Variants in CFAP46 observed in about 807,000 individuals in gnomAD.
The protein encoded by CFAP46 is cilia- and flagella-associated protein 46.
A neutral mutation model predicts 325.7 loss-of-function variants in CFAP46; 245 were observed. The ratio of observed to expected loss-of-function variants is 0.75; its 90% confidence interval spans 0.68 to 0.84. The LOEUF (loss-of-function observed/expected upper bound fraction) is 0.84, where lower values mean the gene tolerates loss of function less well. Ranked by LOEUF, CFAP46 falls within the 40% of genes least tolerant of loss-of-function variation. The pLI, the probability that CFAP46 is intolerant of heterozygous loss-of-function variation, is 0.00. For missense variants in CFAP46, 3,346 were observed against 3,543.0 expected (o/e 0.94, Z 1.41); for synonymous variants, 1,523 against 1,495.9 (o/e 1.02, Z -0.42).
Position 132,889,978 on chromosome 10 carries a change from G to A in CFAP46, c.3304+2355C>T, listed in dbSNP as rs957756981. On this transcript the variant is annotated intron_variant, in intron 25 of 57. Coordinates refer to ENST00000368586, the MANE Select transcript of CFAP46 (RefSeq NM_001200049.3). This position sits in a 1 kb window ranked among gnomAD's most constrained non-coding sequence, Gnocchi z 6.0. Reference sequence around the variant, plus strand: ...TCAGGATTCAGGAGCGTACATTTTCGTATCTGTGAAAAGTGCTCCTTTCCA... The same window carrying A: ...TCAGGATTCAGGAGCGTACATTTTCATATCTGTGAAAAGTGCTCCTTTCCA... 1.3e-5 allele frequency among the ~76,000 whole-genome samples: 2 copies of A among 152,306 alleles called. No homozygotes were observed. The highest frequency in any genetic ancestry group is 3.9e-4 in the East Asian group (2 of 5,186).
At chr10:132,926,395 T>C (rs758340878) in intron 10 of CFAP46, among the ~76,000 whole-genome samples, 173 bp downstream of exon 10, 3 of 150,978 alleles carry the variant, frequency 2.0e-5, no homozygotes, top group Non-Finnish European at 3.0e-5. Flanking sequence ...GGACAGGGAG[T>C]GTGGCACTGG....
intron 29 of CFAP46, among the ~76,000 whole-genome samples, chr10:132,878,756 C>A (rs111614014): frequency 2.0e-5 from 3 of 152,214 alleles, no homozygotes; most frequent in Non-Finnish European, 4.4e-5. Context: ...GCTCTGCCCA[C>A]GGCTGGGCGG....
chr10:132,915,550 C>T (rs1564799565), intron 17 of CFAP46, among the ~76,000 whole-genome samples: 1 of 151,632 alleles, frequency 6.6e-6, no homozygotes, highest in African/African-American at 2.4e-5. Context: ...CCGGCGAGGG[C>T]GGGGCGCCGT....
rs767130022 is a variant in CFAP46 at position 132,908,522 on chromosome 10, G to C, written c.2870C>G (p.Ala957Gly). Residue 957 changes from alanine (A) to glycine (G), a missense_variant, in exon 22 of 58, where the codon GCC (alanine) becomes GGC (glycine). Coordinates refer to ENST00000368586, the MANE Select transcript of CFAP46 (RefSeq NM_001200049.3). ...HAARDHETTM[A>G]CAHRALEMGI... ...CATCTCCAGAGCCCTGTGAGCACAG[G>C]CCATGGTGGTCTCATGGTCACGCGC... The C allele has an allele frequency of 6.4e-7, 1 of 1,550,542 alleles. No individual in the cohort carries two copies. The highest frequency in any genetic ancestry group is 2.4e-5 in the East Asian group (1 of 40,920).
chr10:132,934,789 A>G lies in CFAP46; in HGVS notation c.829T>C (p.Tyr277His). The G allele has an allele frequency of 6.2e-7, 1 of 1,612,448 alleles. No homozygotes were observed. Among genetic ancestry groups the G allele is most frequent in the Non-Finnish European group, 8.5e-7 (1 of 1,178,646 alleles). The change falls in exon 8 of 58, where the codon TAC becomes CAC. Residue 277 changes from tyrosine (Y) to histidine (H), a missense_variant. Physicochemically the swap from Tyr to His is moderately conservative, Grantham distance 83. Coordinates refer to ENST00000368586, the MANE Select transcript of CFAP46 (RefSeq NM_001200049.3). ...ATAGAGGGAAAGCGCTGGTGGTTGT[A>G]ATGACCTAAGTGTCTGTAGGCCTTC... Reference protein sequence around the residue: ...LRKAYRHLGHYNHQRFPSISE... With the variant: ...LRKAYRHLGHHNHQRFPSISE...
rs773404214 is a variant in CFAP46, at chr10:132,851,125, CG to C, written c.5754del (p.Val1919SerfsTer8). ...GTGACCCCAGCAATTACCAGGCCGA[CG>C]GAAGTGTAGTCACTGGTGTTCTGCA... is the stretch of plus-strand genomic sequence containing the variant. ...DYLQNTSDYTSVGLQWFTLKR... is the reference protein window; with the variant it reads ...DYLQNTSDYTXVGLQWFTLKR... On this transcript the variant is annotated frameshift_variant, in exon 40 of 58. Coordinates refer to ENST00000368586, the MANE Select transcript of CFAP46 (RefSeq NM_001200049.3). LOFTEE classifies it high-confidence loss of function. 287 of 1,613,864 alleles carry C rather than the reference CG, an allele frequency of 1.8e-4. No homozygotes were observed. The highest frequency in any genetic ancestry group is 2.3e-4 in the Non-Finnish European group (277 of 1,179,988).
chr10:132,876,922 G>A lies in CFAP46; in HGVS notation c.4252C>T (p.Pro1418Ser). ...PAPIKQLEDL[P>S]MSIEEWASYS... is the part of the protein sequence containing the mutation. ...GAAGCCCACTCTTCTATGCTCATGG[G>A]TAAGTCTTCCAGTTGTTTGATAGGA... The change falls in exon 31 of 58, where the codon CCC becomes TCC. Residue 1418 changes from proline (P) to serine (S), a missense_variant. Pro to Ser is a moderately conservative substitution (Grantham distance 74, BLOSUM62 -1). Coordinates refer to ENST00000368586, the MANE Select transcript of CFAP46 (RefSeq NM_001200049.3). The surrounding 1 kb of genome is among the most constrained non-coding windows in gnomAD (Gnocchi z 4.1). The A allele has an allele frequency of 6.4e-7, 1 of 1,550,550 alleles. No homozygotes were observed. Among genetic ancestry groups the A allele is most frequent in the Non-Finnish European group, 8.7e-7 (1 of 1,146,978 alleles).
At chr10:132,912,614 T>TC (rs1231035886) in intron 19 of CFAP46, 41 bp downstream of exon 19, 44,591 of 605,048 alleles carry the variant, frequency 0.074, 2,350 homozygotes, top group Admixed American at 0.22. Context: ...CCTCTCTCTC[T>TC]CTCTCTCTCT....
intron 50 of CFAP46, among the ~76,000 whole-genome samples, chr10:132,823,532 GTGCGCTGTGTGCTGTGTGC>G (rs1847942911): frequency 9.1e-6 from 1 of 109,446 alleles, no homozygotes; most frequent in African/African-American, 3.3e-5. Flanking sequence ...TGTGTGCTGT[GTGCGCTGTGTGCTGTGTGC>G]TGATGTGTGC....
At chr10:132,875,911 A>G (rs924925512) in intron 31 of CFAP46, among the ~76,000 whole-genome samples, 2 of 152,200 alleles carry the variant, frequency 1.3e-5, no homozygotes, top group Non-Finnish European at 2.9e-5. Flanking sequence ...TCCCAAAAAG[A>G]CCTCCTTAAC....
intron 53 of CFAP46, 113 bp from the exon 54 acceptor site, chr10:132,814,367 C>A: frequency 9.4e-7 from 1 of 1,058,928 alleles, no homozygotes; most frequent in Non-Finnish European, 1.4e-6. Context: ...TATCAGTGCC[C>A]TGCCATGCCC....
intron 17 of CFAP46, 21 bp from the exon 18 acceptor site, chr10:132,913,279 A>C (rs997750111): frequency 6.8e-7 from 1 of 1,463,024 alleles, no homozygotes; most frequent in Middle Eastern, 1.8e-4. Context: ...AGCACCACCA[A>C]GCCCTTAATG....
chr10:132,820,062 G>A (rs780566902), intron 50 of CFAP46, among the ~76,000 whole-genome samples: 2 of 151,654 alleles, frequency 1.3e-5, no homozygotes, highest in Non-Finnish European at 2.9e-5. Flanking sequence ...CAACCCAATC[G>A]AAGAACGGGC....
rs1442701812 is a variant in CFAP46, at chr10:132,922,501, C to T, written c.1464G>A (p.Lys488=). 11 of 1,543,320 alleles carry T rather than the reference C, an allele frequency of 7.1e-6. No individual in the cohort carries two copies. Among genetic ancestry groups the T allele is most frequent in the Middle Eastern group, 1.9e-4 (1 of 5,170 alleles). ...LYQAPERAED[K]AIMAVEQAKK... ...GCACCTGCTCAACGGCCATGATGGCCTTGTCCTCTGCGCGCTCAGGGGCCT... is the reference window on the plus strand; with the variant it reads ...GCACCTGCTCAACGGCCATGATGGCTTTGTCCTCTGCGCGCTCAGGGGCCT... The change falls in exon 12 of 58, where the codon AAG becomes AAA. Residue 488 remains lysine, a synonymous_variant. Transcript: ENST00000368586.
chr10:132,814,731 T>A lies in CFAP46; in HGVS notation c.7204A>T (p.Thr2402Ser). 6.2e-7 allele frequency: 1 copy of A among 1,613,378 alleles called. No homozygotes were observed. The highest frequency in any genetic ancestry group is 1.1e-5 in the South Asian group (1 of 91,056). Residue 2402 changes from threonine to serine, a missense_variant, in exon 52 of 58, where the codon ACC (threonine) becomes TCC (serine). By Grantham distance (58) the Thr-to-Ser change is moderately conservative. Transcript: ENST00000368586. ...KKGRKGSIPR[T>S]IPPDCIIVDS... is the part of the protein sequence containing the mutation. Reference sequence around the variant, plus strand: ...ACTATGATGCAGTCAGGGGGGATGGTCCGGGGGATGCTGCCCTGCAACCAC... The same window carrying A: ...ACTATGATGCAGTCAGGGGGGATGGACCGGGGGATGCTGCCCTGCAACCAC...
In CFAP46 at chr10:132,922,667, GC is replaced by G. The variant is rs1564802029; in HGVS notation, c.1297del (p.Ala433ArgfsTer81). On this transcript the variant is annotated frameshift_variant, in exon 12 of 58. Coordinates refer to ENST00000368586, the MANE Select transcript of CFAP46 (RefSeq NM_001200049.3). LOFTEE classifies it high-confidence loss of function. ...LLRCQVHMEM[A>X]QIEEDEDRLE... ...CCGGTCCTCGTCCTCCTCGATCTGC[GC>G]CATCTCCATGTGCACTTGACAGCGG... 4 of 1,549,870 alleles carry G rather than the reference GC, an allele frequency of 2.6e-6. 1 individual carries two copies. The Admixed American group carries it at 7.8e-5, about 30-fold the overall frequency.
chr10:132,859,078 T>A lies in CFAP46; in HGVS notation c.5368A>T (p.Ile1790Phe). 6.4e-7 allele frequency: 1 copy of A among 1,550,686 alleles called. No homozygotes were observed. Among genetic ancestry groups the A allele is most frequent in the Non-Finnish European group, 8.7e-7 (1 of 1,146,864 alleles). ...CVDVKLERAK[I>F]KRLRAQNEKD... The stretch of plus-strand genomic sequence containing the variant: ...TCGTGGAGGCAGCCTTACCTCTTGA[T>A]CTTCGCACGCTCTAGTTTTACGTCA... Residue 1790 changes from isoleucine to phenylalanine, a missense_variant, in exon 38 of 58, where the codon ATC becomes TTC. Physicochemically the swap from Ile to Phe is conservative, Grantham distance 21. Coordinates refer to ENST00000368586, the MANE Select transcript of CFAP46 (RefSeq NM_001200049.3).
intron 28 of CFAP46, among the ~76,000 whole-genome samples, chr10:132,880,439 G>A (rs1241282843): frequency 1.3e-5 from 2 of 152,260 alleles, no homozygotes; most frequent in African/African-American, 4.8e-5. Context: ...CCCACCTCGA[G>A]TCAGAAGCAA....
At chr10:132,824,118 G>A (rs1358327492) in intron 50 of CFAP46, among the ~76,000 whole-genome samples, 9 of 124,522 alleles carry the variant, frequency 7.2e-5, no homozygotes, top group Non-Finnish European at 1.2e-4. Flanking sequence ...TGCTGTGTGC[G>A]CTGATGTGTG....
Sources: allele counts gnomAD v4.1 joint callset (sites outside exome capture counted in the v4.1 genomes callset), GRCh38; gene constraint gnomAD v4.1.1; non-coding constraint Gnocchi (gnomAD v3.1); transcripts MANE v1.5; gene names NCBI Gene and HGNC (gene_info 2026-07-23, HGNC 2026-07-21).